Variants in ADCY2 observed in about 807,000 individuals in gnomAD.
ADCY2 encodes adenylate cyclase 2, also known as adenylate cyclase type 2.
ADCY2 carries 31 observed loss-of-function variants against 125.2 expected under a neutral mutation model. The observed-to-expected ratio is 0.25, with a 90% confidence interval of 0.19 to 0.33. ADCY2 has a LOEUF of 0.33. ADCY2 is among the 10% of genes least tolerant of loss of function. The pLI, the probability that ADCY2 is intolerant of heterozygous loss-of-function variation, is 1.00. For synonymous variants in ADCY2, 512 were observed against 548.4 expected, an observed-to-expected ratio of 0.93 and a Z score of 0.93; for missense variants, 904 against 1,418.2, an observed-to-expected ratio of 0.64 and a Z score of 5.82.
rs544198155 is a variant in ADCY2 at position 7,542,546 on chromosome 5, T to C, written c.570+21647T>C. On this transcript the variant is annotated intron_variant, in intron 3 of 24. Transcript: ENST00000338316. ...CTAAACAAAGTGTAGTGCATTTATG[T>C]AAAAACTGTGTAAAAAAGGAAGATG... 9.2e-5 allele frequency among the ~76,000 whole-genome samples: 14 copies of C among 152,284 alleles called. No homozygotes were observed. The South Asian group carries it at 2.1e-3, about 23-fold the overall frequency.
At chr5:7,544,949 G>A (rs1735104928) in intron 3 of ADCY2, among the ~76,000 whole-genome samples, 1 of 152,208 alleles carries the variant, frequency 6.6e-6, no homozygotes, top group African/African-American at 2.4e-5. Context: ...CTGGGGCCAG[G>A]CCTGGGCCTA....
intron 3 of ADCY2, among the ~76,000 whole-genome samples, chr5:7,598,550 C>T (rs1459970545): frequency 6.6e-6 from 1 of 152,150 alleles, no homozygotes; most frequent in Non-Finnish European, 1.5e-5. Flanking sequence ...ATTCTAAACA[C>T]ACATCCTTGG....
intron 3 of ADCY2, among the ~76,000 whole-genome samples, chr5:7,546,402 G>A (rs1024254259): frequency 1.3e-5 from 2 of 152,160 alleles, no homozygotes; most frequent in Admixed American, 1.3e-4. Flanking sequence ...GTTAAATCCT[G>A]GTAATAAGAT....
Position 7,430,976 on chromosome 5 carries a change from A to G in ADCY2, c.408+16206A>G, listed in dbSNP as rs75463182. On this transcript the variant is annotated intron_variant, in intron 2 of 24. Transcript: ENST00000338316. ...ATTTAACCAACACAGTTTCTCCCCA[A>G]ATTTGATCAACACATCTTGAGATTC... 2.9e-4 allele frequency among the ~76,000 whole-genome samples: 44 copies of G among 152,282 alleles called. No individual in the cohort carries two copies. The East Asian group carries it at 6.8e-3, about 23-fold the overall frequency.
intron 1 of ADCY2, among the ~76,000 whole-genome samples, chr5:7,410,102 C>T (rs912612011): frequency 3.3e-5 from 5 of 152,032 alleles, no homozygotes; most frequent in African/African-American, 1.2e-4. Context: ...TACCAAACAC[C>T]CAGAAGCCAC....
At chr5:7,663,806 G>A (rs535164286) in intron 4 of ADCY2, among the ~76,000 whole-genome samples, 184 of 152,294 alleles carry the variant, frequency 1.2e-3, no homozygotes, top group South Asian at 2.3e-3. Flanking sequence ...CCTGAGGCCA[G>A]GCACACCCTC....
At chr5:7,447,624 G>C (rs1741316968) in intron 2 of ADCY2, among the ~76,000 whole-genome samples, 1 of 152,226 alleles carries the variant, frequency 6.6e-6, no homozygotes, top group African/African-American at 2.4e-5. Flanking sequence ...CAGCTGGGCA[G>C]TGAGTGGGAA....
At chr5:7,625,170 T>G (rs971595961) in intron 3 of ADCY2, among the ~76,000 whole-genome samples, 1 of 152,190 alleles carries the variant, frequency 6.6e-6, no homozygotes, top group Non-Finnish European at 1.5e-5. Context: ...CATAATGCAA[T>G]GCACAGAATA....
chr5:7,814,953 C>G (rs945259888), intron 22 of ADCY2, among the ~76,000 whole-genome samples: 1 of 152,340 alleles, frequency 6.6e-6, no homozygotes, highest in East Asian at 1.9e-4. Context: ...TCCCCTCCCC[C>G]CGACCCATGT....
At chr5:7,430,554 T>TATACTATATATATATAGTCTATC (rs1561021445) in intron 2 of ADCY2, among the ~76,000 whole-genome samples, 1 of 148,034 alleles carries the variant, frequency 6.8e-6, no homozygotes, top group African/African-American at 2.5e-5. Context: ...TATAGTATAT[T>TATACTATATATATATAGTCTATC]GATATACTAT....
intron 2 of ADCY2, among the ~76,000 whole-genome samples, chr5:7,513,918 C>A (rs1255237069): frequency 6.6e-6 from 1 of 152,116 alleles, no homozygotes; most frequent in African/African-American, 2.4e-5. Flanking sequence ...ATGTTATTTC[C>A]TTTAATGTTA....
chr5:7,459,772 ATTTTTTTTTTTTTTTTTTTT>A (rs3033085), intron 2 of ADCY2, among the ~76,000 whole-genome samples: 2 of 72,862 alleles, frequency 2.7e-5, no homozygotes, highest in African/African-American at 6.1e-5. Context: ...TTAAGAGGTA[ATTTTTTTTTTTTTTTTTTTT>A]TTTTTTTTTT....
chr5:7,515,207 G>A (rs1009900210), intron 2 of ADCY2, among the ~76,000 whole-genome samples: 5 of 152,280 alleles, frequency 3.3e-5, no homozygotes, highest in African/African-American at 4.8e-5. Flanking sequence ...CTCACCCAGG[G>A]GGTTATGCCC....
chr5:7,455,064 C>A (rs1741619320), intron 2 of ADCY2, among the ~76,000 whole-genome samples: 1 of 152,138 alleles, frequency 6.6e-6, no homozygotes, highest in South Asian at 2.1e-4. Flanking sequence ...CCAGAACTTT[C>A]CACATTCTAT....
Position 7,408,660 on chromosome 5 carries a change from G to A in ADCY2, c.211-5913G>A, listed in dbSNP as rs193237424. 1.8e-3 allele frequency among the ~76,000 whole-genome samples: 277 copies of A among 152,236 alleles called. 1 individual carries two copies. The highest frequency in any genetic ancestry group is 3.4e-3 in the Non-Finnish European group (230 of 68,026). On this transcript the variant is annotated intron_variant, in intron 1 of 24. Coordinates refer to ENST00000338316, the MANE Select transcript of ADCY2 (RefSeq NM_020546.3). ...TGGGATTACAGGCGTGAGCCACCGT[G>A]CCTAGCCAGGTGGCTATTATTAAAA...
chr5:7,424,390 C>T (rs1220086431), intron 2 of ADCY2, among the ~76,000 whole-genome samples: 2 of 152,276 alleles, frequency 1.3e-5, no homozygotes, highest in Non-Finnish European at 2.9e-5. Context: ...CCAACTTCCT[C>T]AAAGTCACAC....
intron 15 of ADCY2, among the ~76,000 whole-genome samples, chr5:7,745,373 T>C (rs1012512123): frequency 6.6e-6 from 1 of 152,218 alleles, no homozygotes; most frequent in Non-Finnish European, 1.5e-5. Context: ...TTTAGATGTT[T>C]CAAATTGTAT....
intron 16 of ADCY2, among the ~76,000 whole-genome samples, chr5:7,760,411 A>G (rs1446648360): frequency 2.0e-5 from 3 of 152,188 alleles, no homozygotes; most frequent in Non-Finnish European, 4.4e-5. Context: ...AGGGTGCACA[A>G]GCTAAGGTTC....
At chr5:7,752,567 A>AACTGTAAATG (rs1258641194) in intron 15 of ADCY2, among the ~76,000 whole-genome samples, 1 of 152,112 alleles carries the variant, frequency 6.6e-6, no homozygotes, top group Non-Finnish European at 1.5e-5. Context: ...AAACTAATGA[A>AACTGTAAATG]ACTGTAAATG....
Sources: allele counts gnomAD v4.1 joint callset (sites outside exome capture counted in the v4.1 genomes callset), GRCh38; gene constraint gnomAD v4.1.1; transcripts MANE v1.5; gene names NCBI Gene and HGNC (gene_info 2026-07-23, HGNC 2026-07-21).